ARID2: variants seen among roughly 807,000 people sequenced by gnomAD.
ARID2 encodes AT-rich interactive domain-containing protein 2.
ARID2 carries 32 observed loss-of-function variants against 184.6 expected under a neutral mutation model. The ratio of observed to expected loss-of-function variants is 0.17; its 90% confidence interval spans 0.13 to 0.23. The LOEUF is 0.23. ARID2 is among the 10% of genes least tolerant of loss of function. The pLI, the probability that ARID2 is intolerant of heterozygous loss-of-function variation, is 1.00. For missense variants in ARID2, 1,696 were observed against 2,197.6 expected (o/e 0.77, Z 4.56); for synonymous variants, 836 against 772.6 (o/e 1.08, Z -1.36).
intron 3 of ARID2, among the ~76,000 whole-genome samples, chr12:45,742,087 G>C (rs1200589564): frequency 6.6e-6 from 1 of 152,240 alleles, no homozygotes; most frequent in East Asian, 1.9e-4. Flanking sequence ...ACTTCCAGAA[G>C]TGTTATCCCA....
intron 15 of ARID2, among the ~76,000 whole-genome samples, chr12:45,857,833 C>T (rs932932625): frequency 2.0e-5 from 3 of 152,130 alleles, no homozygotes; most frequent in African/African-American, 7.2e-5. Context: ...ACTCTTGGCT[C>T]ACTGCAACCT....
intron 16 of ARID2, among the ~76,000 whole-genome samples, chr12:45,885,258 G>A (rs879705154): frequency 3.9e-5 from 6 of 151,996 alleles, no homozygotes; most frequent in East Asian, 1.9e-4. Flanking sequence ...CAGATGCCAA[G>A]GGTTGAGGTA....
At chr12:45,860,529 A>T (rs1698737746) in intron 15 of ARID2, among the ~76,000 whole-genome samples, 1 of 151,824 alleles carries the variant, frequency 6.6e-6, no homozygotes, top group Non-Finnish European at 1.5e-5. Context: ...GTTTCATCCT[A>T]AAAATCTTTA....
intron 16 of ARID2, chr12:45,881,274 C>A: frequency 6.4e-6 from 1 of 157,004 alleles, no homozygotes. Flanking sequence ...TCTCTTTTGC[C>A]CAGCTAAAGA....
intron 3 of ARID2, among the ~76,000 whole-genome samples, chr12:45,760,813 C>T (rs1592059726): frequency 6.6e-6 from 1 of 151,108 alleles, no homozygotes; most frequent in East Asian, 1.9e-4. Context: ...TTTGCTGGAT[C>T]CTGGTTTTAT....
chr12:45,865,320 C>G (rs912101848), intron 16 of ARID2, among the ~76,000 whole-genome samples: 1 of 152,016 alleles, frequency 6.6e-6, no homozygotes, highest in Non-Finnish European at 1.5e-5. Flanking sequence ...CTATGTCATA[C>G]TCCAAAAAAA....
chr12:45,744,058 G>C (rs577109028), intron 3 of ARID2, among the ~76,000 whole-genome samples: 1 of 151,654 alleles, frequency 6.6e-6, no homozygotes, highest in African/African-American at 2.4e-5. Context: ...TGCAAATAGG[G>C]ATTGTTTTAC....
intron 3 of ARID2, among the ~76,000 whole-genome samples, chr12:45,772,500 C>G (rs1941896881): frequency 1.3e-5 from 2 of 152,228 alleles, no homozygotes; most frequent in South Asian, 4.1e-4. Context: ...ATGCTCTCTA[C>G]AGGAGACACA....
chr12:45,851,937 C>G lies in ARID2; in HGVS notation c.3814C>G (p.Arg1272Gly), dbSNP rs2138174785. ...KIEVMENPSC[R>G]RGATNTSNGD... is the part of the protein sequence containing the mutation. ...TGAAGTCATGGAGAACCCGTCCTGCCGACGAGGAGCCACAAACACCAGCAA... is the reference window on the plus strand; with the variant it reads ...TGAAGTCATGGAGAACCCGTCCTGCGGACGAGGAGCCACAAACACCAGCAA... Residue 1272 changes from arginine (R) to glycine (G), a missense_variant, in exon 15 of 21, where the codon CGA becomes GGA. By Grantham distance (125) the Arg-to-Gly change is moderately radical (BLOSUM62 -2). This residue lies in a region of ARID2 where 428 missense variants were observed against 409.1 expected (regional missense o/e 1.05). Transcript: ENST00000334344. 6.2e-7 allele frequency: 1 copy of G among 1,614,060 alleles called. No individual in the cohort carries two copies. The highest frequency in any genetic ancestry group is 8.5e-7 in the Non-Finnish European group (1 of 1,180,006).
In ARID2 at chr12:45,850,936, C is replaced by G. The variant is rs757059958; in HGVS notation, c.2813C>G (p.Thr938Ser). 25 of 1,614,048 alleles carry G rather than the reference C, an allele frequency of 1.5e-5. No individual in the cohort carries two copies. In the East Asian group the frequency reaches 4.9e-4, roughly 32 times the overall value. ...IVSQPAQQGQ[T>S]YAPAIHQIVL... ...AGCCAGCCAGCTCAACAAGGTCAAA[C>G]TTATGCACCAGCCATTCACCAAATT... Residue 938 changes from threonine (T) to serine (S), a missense_variant, in exon 15 of 21, where the codon ACT (threonine) becomes AGT (serine). Transcript: ENST00000334344.
intron 10 of ARID2, among the ~76,000 whole-genome samples, chr12:45,838,558 A>G (rs1019511122): frequency 1.3e-5 from 2 of 152,130 alleles, no homozygotes; most frequent in African/African-American, 4.8e-5. Flanking sequence ...ACCTGAGCAC[A>G]GTTCAAGATT....
chr12:45,867,147 C>T (rs1236767565), intron 16 of ARID2, among the ~76,000 whole-genome samples: 1 of 152,008 alleles, frequency 6.6e-6, no homozygotes, highest in Non-Finnish European at 1.5e-5. Context: ...GATGGCATTT[C>T]ACCATGTTGG....
chr12:45,791,354 T>C (rs1942286997), intron 3 of ARID2, among the ~76,000 whole-genome samples: 1 of 152,244 alleles, frequency 6.6e-6, no homozygotes, highest in African/African-American at 2.4e-5. Flanking sequence ...TATTTTTTAA[T>C]GTGGCAAATT....
At chr12:45,800,232 C>T (rs1449178691) in intron 3 of ARID2, among the ~76,000 whole-genome samples, 7 of 151,980 alleles carry the variant, frequency 4.6e-5, no homozygotes, top group African/African-American at 1.2e-4. Flanking sequence ...GATACAATAA[C>T]GTGGCAGAGT....
At chr12:45,790,020 T>A (rs1245296361) in intron 3 of ARID2, among the ~76,000 whole-genome samples, 1 of 152,196 alleles carries the variant, frequency 6.6e-6, no homozygotes, top group African/African-American at 2.4e-5. Context: ...TTTATGTGAT[T>A]CGAATGGAAA....
chr12:45,850,801 T>C lies in ARID2; in HGVS notation c.2678T>C (p.Phe893Ser), dbSNP rs2138165265. 6.2e-7 allele frequency: 1 copy of C among 1,614,068 alleles called. No homozygotes were observed. Among genetic ancestry groups the C allele is most frequent in the Non-Finnish European group, 8.5e-7 (1 of 1,179,980 alleles). The change falls in exon 15 of 21, where the codon TTT (phenylalanine) becomes TCT (serine). Residue 893 changes from phenylalanine to serine, a missense_variant. Transcript: ENST00000334344. ...VPSPQASRVG[F>S]QNIAPKPLPS... The stretch of plus-strand genomic sequence containing the variant: ...AGTCCACAAGCCTCAAGGGTAGGGT[T>C]TCAGAACATTGCACCAAAACCTCTC...
chr12:45,861,060 A>T, intron 16 of ARID2, 111 bp downstream of exon 16: 2 of 966,272 alleles, frequency 2.1e-6, no homozygotes, highest in Non-Finnish European at 2.8e-6. Flanking sequence ...AGAACCACTA[A>T]CTTTAGCGAA....
intron 3 of ARID2, among the ~76,000 whole-genome samples, chr12:45,785,984 G>C (rs568528340): frequency 6.6e-6 from 1 of 152,258 alleles, no homozygotes; most frequent in Non-Finnish European, 1.5e-5. Flanking sequence ...CAGAAATGTT[G>C]GGGACTGCTG....
In ARID2 at chr12:45,837,583, G is replaced by A. The variant is rs777375790; in HGVS notation, c.1206G>A (p.Glu402=). ...ATGTGGATCAGGATTCCTACAGAGA[G>A]ATCATTTGTCATCTCACTTTACCTG... is the stretch of plus-strand genomic sequence containing the variant. ...CEYVDQDSYR[E]IICHLTLPDV... Residue 402 remains glutamate (E), a synonymous_variant, in exon 10 of 21, where the codon GAG becomes GAA. Coordinates refer to ENST00000334344, the MANE Select transcript of ARID2 (RefSeq NM_152641.4). 3.1e-6 allele frequency: 5 copies of A among 1,614,038 alleles called. No individual in the cohort carries two copies. Among genetic ancestry groups the A allele is most frequent in the East Asian group, 2.2e-5 (1 of 44,858 alleles).
Sources: gnomAD v4.1 joint callset for allele counts (sites outside exome capture counted in the v4.1 genomes callset) on GRCh38, gnomAD v4.1.1 for gene constraint, gnomAD v4.1.1 regional missense constraint, MANE v1.5 for transcripts, NCBI Gene and HGNC (gene_info 2026-07-23, HGNC 2026-07-21) for gene names.